Variants in TSNARE1 observed in about 807,000 individuals in gnomAD.
TSNARE1 encodes the protein t-SNARE domain containing 1.
In TSNARE1, 49 loss-of-function variants were observed where a neutral mutation model predicts 62.0. The observed-to-expected ratio is 0.79, with a 90% CI of 0.63 to 1.00. The LOEUF (loss-of-function observed/expected upper bound fraction) is 1.00, where lower values mean the gene tolerates loss of function less well. Among genes scored for constraint, TSNARE1 ranks in the 50% least tolerant of loss-of-function variants. The pLI, the probability that TSNARE1 is intolerant of heterozygous loss-of-function variation, is 0.00. For synonymous variants in TSNARE1, 328 were observed against 294.4 expected, an observed-to-expected ratio of 1.11 and a Z score of -1.17; for missense variants, 755 against 700.1, an observed-to-expected ratio of 1.08 and a Z score of -0.88.
intron 12 of TSNARE1, among the ~76,000 whole-genome samples, chr8:142,256,605 C>G (rs1039418153): frequency 3.3e-5 from 5 of 149,622 alleles, no homozygotes; most frequent in Non-Finnish European, 5.9e-5. Flanking sequence ...ACTATCATCA[C>G]CATCATCACC....
In TSNARE1 at chr8:142,394,319, G is replaced by A. The variant is rs538486134; in HGVS notation, c.-40+8785C>T. 2.6e-5 allele frequency among the ~76,000 whole-genome samples: 4 copies of A among 152,284 alleles called. No homozygotes were observed. In the East Asian group the frequency reaches 7.7e-4, roughly 29 times the overall value. On this transcript the variant is annotated intron_variant, in intron 1 of 13. Transcript: ENST00000524325. The stretch of plus-strand genomic sequence containing the variant: ...TGTGGGCACCCCACAGCAGCAGGGC[G>A]GGTGGACCGGACAGCTCGGACCTCT...
intron 1 of TSNARE1, among the ~76,000 whole-genome samples, chr8:142,364,289 C>A (rs926132228): frequency 6.6e-6 from 1 of 152,226 alleles, no homozygotes; most frequent in African/African-American, 2.4e-5. Context: ...TAAGCACTCC[C>A]GCGCTCACTC....
intron 1 of TSNARE1, among the ~76,000 whole-genome samples, chr8:142,355,248 G>A (rs574504107): frequency 6.6e-6 from 1 of 152,374 alleles, no homozygotes; most frequent in South Asian, 2.1e-4. Context: ...CACGGTAGTG[G>A]GGCTGGGTCA....
chr8:142,220,590 C>A (rs145744355), intron 13 of TSNARE1, among the ~76,000 whole-genome samples: 1 of 152,340 alleles, frequency 6.6e-6, no homozygotes, highest in Non-Finnish European at 1.5e-5. Flanking sequence ...ACCAGGGAAC[C>A]AGGCCCTCTC....
intron 1 of TSNARE1, among the ~76,000 whole-genome samples, chr8:142,358,827 G>A (rs1834939378): frequency 6.6e-6 from 1 of 152,038 alleles, no homozygotes; most frequent in African/African-American, 2.4e-5. Flanking sequence ...GTACTGAGCT[G>A]TACCAACCCA....
At position 142,365,633 on chromosome 8, in the gene TSNARE1, C is replaced by G. The variant is rs796969476; in HGVS notation, c.-39-10870G>C. Among the ~76,000 whole-genome samples, 672 of 138,640 alleles carry G rather than the reference C, an allele frequency of 4.8e-3. 2 individuals carry two copies. The highest frequency in any genetic ancestry group is 0.011 in the East Asian group (53 of 4,642). 91.0% of individuals were successfully genotyped at this position (138,640 alleles called of 152,430 possible). ...ACACACACACACACACACACACACACAGAGAGAGAGAGGGGAACAAAGAAT... is the reference window on the plus strand; with the variant it reads ...ACACACACACACACACACACACACAGAGAGAGAGAGAGGGGAACAAAGAAT... On this transcript the variant is annotated intron_variant, in intron 1 of 13. Transcript: ENST00000524325.
chr8:142,381,711 G>C (rs181375311), intron 1 of TSNARE1, among the ~76,000 whole-genome samples: 1 of 152,210 alleles, frequency 6.6e-6, no homozygotes, highest in Non-Finnish European at 1.5e-5. Flanking sequence ...GTTTCCTTCA[G>C]TGGGAGTGTC....
At chr8:142,286,345 T>C (rs1056435380) in intron 10 of TSNARE1, among the ~76,000 whole-genome samples, 2 of 152,220 alleles carry the variant, frequency 1.3e-5, no homozygotes, top group African/African-American at 4.8e-5. Flanking sequence ...CTGCAAAATG[T>C]TACAAGGGAA....
intron 11 of TSNARE1, among the ~76,000 whole-genome samples, chr8:142,282,550 G>A (rs76147258): frequency 0.13 from 16,197 of 123,762 alleles, 1 homozygote; most frequent in African/African-American, 0.2. Context: ...ATGAGCAGAG[G>A]CGGGACCAGT....
At chr8:142,318,406 C>T in intron 7 of TSNARE1, 138 bp downstream of exon 7, 2 of 832,434 alleles carry the variant, frequency 2.4e-6, no homozygotes, top group Non-Finnish European at 3.8e-6. Context: ...CCATGGGAGG[C>T]TGGGTGCCAG....
chr8:142,360,048 T>C (rs1795190097), intron 1 of TSNARE1, among the ~76,000 whole-genome samples: 1 of 152,192 alleles, frequency 6.6e-6, no homozygotes, highest in Admixed American at 6.5e-5. Context: ...AGCCGGGCAC[T>C]GTGGGGTGCG....
chr8:142,298,499 C>T (rs980691443), intron 10 of TSNARE1, among the ~76,000 whole-genome samples: 4 of 152,172 alleles, frequency 2.6e-5, no homozygotes, highest in African/African-American at 4.8e-5. Flanking sequence ...GAAGGTGCCA[C>T]GCCGGAACCC....
chr8:142,255,882 C>CACT (rs1818468430), intron 12 of TSNARE1, among the ~76,000 whole-genome samples: 1 of 45,622 alleles, frequency 2.2e-5, no homozygotes. Context: ...TCATCACCAT[C>CACT]ACCACCACCA....
At chr8:142,362,502 G>T (rs1385410299) in intron 1 of TSNARE1, among the ~76,000 whole-genome samples, 1 of 152,210 alleles carries the variant, frequency 6.6e-6, no homozygotes, top group Non-Finnish European at 1.5e-5. Flanking sequence ...TGTAAGGAAA[G>T]AGATTTCCTC....
chr8:142,376,303 G>A (rs1836335480), intron 1 of TSNARE1, among the ~76,000 whole-genome samples: 1 of 152,184 alleles, frequency 6.6e-6, no homozygotes, highest in Admixed American at 6.5e-5. Flanking sequence ...GGCGACCCTG[G>A]GGCCCAGTGA....
At chr8:142,292,018 G>A in intron 10 of TSNARE1, among the ~76,000 whole-genome samples, 1 of 152,006 alleles carries the variant, frequency 6.6e-6, no homozygotes, top group Admixed American at 6.5e-5. Flanking sequence ...ACACTGTAGG[G>A]TTTCTGAGGC....
At chr8:142,394,949 G>C (rs1305833758) in intron 1 of TSNARE1, among the ~76,000 whole-genome samples, 1 of 152,192 alleles carries the variant, frequency 6.6e-6, no homozygotes, top group Non-Finnish European at 1.5e-5. Context: ...AGAGATGCAA[G>C]CAGGTGACCC....
At chr8:142,254,561 G>C (rs773042679) in intron 12 of TSNARE1, among the ~76,000 whole-genome samples, 1 of 152,164 alleles carries the variant, frequency 6.6e-6, no homozygotes, top group African/African-American at 2.4e-5. Context: ...TTCCCTGAGC[G>C]GCCCCTTCTC....
intron 4 of TSNARE1, among the ~76,000 whole-genome samples, chr8:142,338,372 G>A (rs1033097379): frequency 1.3e-5 from 2 of 152,226 alleles, no homozygotes; most frequent in African/African-American, 2.4e-5. Context: ...GCCCCAGCAC[G>A]AGGGGGTCCC....
Sources: allele counts gnomAD v4.1 joint callset (sites outside exome capture counted in the v4.1 genomes callset), GRCh38; gene constraint gnomAD v4.1.1; transcripts MANE v1.5; gene names NCBI Gene and HGNC (gene_info 2026-07-23, HGNC 2026-07-21).